TIMD4: variants seen among roughly 807,000 people sequenced by gnomAD.
TIMD4 encodes T cell immunoglobulin and mucin domain containing 4.
TIMD4 carries 31 observed loss-of-function variants against 41.2 expected under a neutral mutation model. The observed-to-expected ratio is 0.75, with a 90% confidence interval of 0.57 to 1.01. TIMD4 has a LOEUF of 1.01. Among genes scored for constraint, TIMD4 ranks in the 50% least tolerant of loss-of-function variants. The pLI is 0.00. For missense variants in TIMD4, 479 were observed against 472.5 expected, an observed-to-expected ratio of 1.01 and a Z score of -0.13; for synonymous variants, 204 against 177.1, an observed-to-expected ratio of 1.15 and a Z score of -1.21.
At chr5:156,926,064 T>A (rs1377401489) in intron 6 of TIMD4, among the ~76,000 whole-genome samples, 199 bp downstream of exon 6, 1 of 152,208 alleles carries the variant, frequency 6.6e-6, no homozygotes, top group Non-Finnish European at 1.5e-5. Context: ...CCACCACACC[T>A]GGCTAATTTT....
In TIMD4 at chr5:156,920,365, C is replaced by T. The variant is rs1039405228; in HGVS notation, c.1052+99G>A. On this transcript the variant is annotated intron_variant, in intron 8 of 8. Coordinates refer to ENST00000274532, the MANE Select transcript of TIMD4 (RefSeq NM_138379.3). The stretch of plus-strand genomic sequence containing the variant: ...ACATCTTTCCAACTCTATGTGTAAT[C>T]GTAACACAAGCTCAAGTCATTAAAC... 4.5e-6 allele frequency: 6 copies of T among 1,326,618 alleles called. No homozygotes were observed. In the Admixed American group the frequency reaches 5.3e-5, roughly 12 times the overall value. The allele number at this position is 1,326,618 out of a possible 1,614,324, so 82.2% of individuals were successfully genotyped here. A position where few individuals can be genotyped will look rare whatever the true frequency, so the allele number is the denominator to read the frequency against.
chr5:156,923,396 A>C (rs1407369840), intron 6 of TIMD4, among the ~76,000 whole-genome samples: 1 of 151,922 alleles, frequency 6.6e-6, no homozygotes, highest in Admixed American at 6.6e-5. Flanking sequence ...TGATCTGCCC[A>C]CCTCAGCCTC....
At chr5:156,922,274 G>T in intron 6 of TIMD4, 58 bp from the exon 7 acceptor site, 1 of 1,309,252 alleles carries the variant, frequency 7.6e-7, no homozygotes, top group Non-Finnish European at 1.1e-6. Context: ...ACCCTCACAA[G>T]ATGACATCCC....
chr5:156,955,145 A>G (rs1000916675), intron 1 of TIMD4, among the ~76,000 whole-genome samples: 4 of 152,060 alleles, frequency 2.6e-5, no homozygotes, highest in African/African-American at 9.7e-5. Context: ...CTGTGCTCCT[A>G]ACTCCACATG....
chr5:156,959,651 A>G (rs1383610392), intron 1 of TIMD4, among the ~76,000 whole-genome samples: 1 of 152,178 alleles, frequency 6.6e-6, no homozygotes, highest in Non-Finnish European at 1.5e-5. Context: ...CAAAATTGCC[A>G]TCTACAGAGT....
At chr5:156,936,545 A>C (rs1325748747) in intron 5 of TIMD4, among the ~76,000 whole-genome samples, 6 of 152,194 alleles carry the variant, frequency 3.9e-5, no homozygotes, top group Non-Finnish European at 8.8e-5. Context: ...TCTTGGAGCC[A>C]GGATCATTTA....
chr5:156,926,206 T>C, intron 6 of TIMD4, 57 bp downstream of exon 6: 1 of 1,585,510 alleles, frequency 6.3e-7, no homozygotes, highest in South Asian at 1.1e-5. Context: ...GCCTGGCCAC[T>C]ACTGTGGATT....
intron 1 of TIMD4, among the ~76,000 whole-genome samples, chr5:156,960,043 G>A (rs911708692): frequency 2.0e-5 from 3 of 149,592 alleles, no homozygotes; most frequent in South Asian, 2.1e-4. Flanking sequence ...ACTCTGTCTC[G>A]AAAAAACCCA....
chr5:156,948,613 AAAC>A, intron 4 of TIMD4, 114 bp from the exon 5 acceptor site: 1 of 504,084 alleles, frequency 2.0e-6, no homozygotes, highest in East Asian at 3.7e-5. Flanking sequence ...AAACAAAACA[AAAC>A]AAAGTATGTG....
At chr5:156,938,371 C>T (rs910298264) in intron 5 of TIMD4, among the ~76,000 whole-genome samples, 9 of 152,122 alleles carry the variant, frequency 5.9e-5, no homozygotes, top group African/African-American at 2.2e-4. Context: ...ACCCCACTGC[C>T]AGAGGTTCTC....
intron 5 of TIMD4, among the ~76,000 whole-genome samples, chr5:156,940,289 G>A (rs3219322): frequency 0.21 from 31,334 of 152,224 alleles, 3,757 homozygotes; most frequent in Admixed American, 0.32. Context: ...GTGTAGTGGC[G>A]TGATCTCGGC....
chr5:156,954,630 G>C lies in TIMD4; in HGVS notation c.185C>G (p.Ser62Cys). ...GCGGATGAGCGCCTCCTTGCAACCG[G>C]AGTAGGGGCACTGGTCTTTCCCCCA... ...MCWGKDQCPY[S>C]GCKEALIRTD... Residue 62 changes from serine (S) to cysteine (C), a missense_variant, in exon 2 of 9, where the codon TCC becomes TGC. By Grantham distance (112) the Ser-to-Cys change is moderately radical. Transcript: ENST00000274532. The C allele has an allele frequency of 1.2e-6, 2 of 1,614,222 alleles. No individual in the cohort carries two copies. Among genetic ancestry groups the C allele is most frequent in the South Asian group, 1.1e-5 (1 of 91,086 alleles).
intron 4 of TIMD4, 109 bp downstream of exon 4, chr5:156,949,542 A>T: frequency 1.0e-6 from 1 of 958,086 alleles, no homozygotes; most frequent in Non-Finnish European, 1.6e-6. Context: ...TTTATGGCAC[A>T]AAAGACCCAA....
chr5:156,953,653 C>CAAAAAAA (rs35165963), intron 2 of TIMD4, among the ~76,000 whole-genome samples: 5 of 58,470 alleles, frequency 8.6e-5, no homozygotes, highest in African/African-American at 1.9e-4. Context: ...AAACTCTGTC[C>CAAAAAAA]AAAAAAAAAA....
intron 1 of TIMD4, among the ~76,000 whole-genome samples, chr5:156,955,263 A>G (rs1440077705): frequency 6.6e-6 from 1 of 152,000 alleles, no homozygotes; most frequent in Non-Finnish European, 1.5e-5. Flanking sequence ...TAACCAATAA[A>G]CTCTTACATG....
At chr5:156,937,238 G>A (rs1014397537) in intron 5 of TIMD4, among the ~76,000 whole-genome samples, 1 of 152,160 alleles carries the variant, frequency 6.6e-6, no homozygotes, top group Non-Finnish European at 1.5e-5. Flanking sequence ...GTAGGGCAAT[G>A]ACATCTGATT....
chr5:156,948,460 GAC>G lies in TIMD4; in HGVS notation c.798_799del (p.Ser267AsnfsTer6). The G allele has an allele frequency of 6.4e-7, 1 of 1,555,582 alleles. No homozygotes were observed. The highest frequency in any genetic ancestry group is 8.7e-7 in the Non-Finnish European group (1 of 1,150,236). On this transcript the variant is annotated frameshift_variant, in exon 5 of 9. Coordinates refer to ENST00000274532, the MANE Select transcript of TIMD4 (RefSeq NM_138379.3). LOFTEE classifies it high-confidence loss of function. The stretch of plus-strand genomic sequence containing the variant: ...CACAGAATCACTCGTTTTCCACATT[GAC>G]ACGTGGGATGTTGATGGGAGATCCC...
At chr5:156,948,525 A>C (rs1424455165) in intron 4 of TIMD4, 26 bp from the exon 5 acceptor site, 13 of 1,487,734 alleles carry the variant, frequency 8.7e-6, no homozygotes, top group Non-Finnish European at 9.9e-6. Flanking sequence ...GGAAAACAGA[A>C]AACAGACTTA....
At chr5:156,941,335 A>G (rs1409400344) in intron 5 of TIMD4, among the ~76,000 whole-genome samples, 4 of 152,384 alleles carry the variant, frequency 2.6e-5, no homozygotes, top group South Asian at 2.1e-4. Flanking sequence ...AATTAAAAAA[A>G]TGAACAATTC....
Sources: gnomAD v4.1 joint callset for allele counts (sites outside exome capture counted in the v4.1 genomes callset) on GRCh38, gnomAD v4.1.1 for gene constraint, MANE v1.5 for transcripts, NCBI Gene and HGNC (gene_info 2026-07-23, HGNC 2026-07-21) for gene names.